MLLT11: variants seen among roughly 807,000 people sequenced by gnomAD.
MLLT11 encodes protein AF1q.
Under a neutral mutation model 5.3 loss-of-function variants are expected in MLLT11, and 1 was observed. That is an observed-to-expected ratio of 0.19 (90% CI 0.07 to 0.89). The LOEUF is 0.89. Among genes scored for constraint, MLLT11 ranks in the 40% least tolerant of loss-of-function variants. The pLI, the probability that MLLT11 is intolerant of heterozygous loss-of-function variation, is 0.67. For missense variants in MLLT11, 87 were observed against 107.3 expected, an observed-to-expected ratio of 0.81 and a Z score of 0.83; for synonymous variants, 38 against 41.7, an observed-to-expected ratio of 0.91 and a Z score of 0.34.
rs1558112311 is a variant in MLLT11, at chr1:151,067,235, C to T, written c.11C>T (p.Pro4Leu). 6.2e-7 allele frequency: 1 copy of T among 1,613,804 alleles called. No individual in the cohort carries two copies. The highest frequency in any genetic ancestry group is 1.1e-5 in the South Asian group (1 of 91,074). MRD[P>L]VSSQYSSFLF... ...TCTTTCTAGGAAGCTATGAGGGACC[C>T]TGTGAGTAGCCAGTACAGTTCCTTT... Residue 4 changes from proline to leucine, a missense_variant, in exon 2 of 2, where the codon CCT (proline) becomes CTT (leucine). Transcript: ENST00000368921.
chr1:151,062,896 A>AT (rs1361846370), intron 1 of MLLT11, among the ~76,000 whole-genome samples: 3 of 152,226 alleles, frequency 2.0e-5, no homozygotes, highest in South Asian at 4.1e-4. Flanking sequence ...GGATACAACC[A>AT]TTTTTTGTAG....
At position 151,067,675 on chromosome 1, in the gene MLLT11, CA is replaced by C; in HGVS notation, c.*182del. 4.2e-6 allele frequency: 3 copies of C among 709,694 alleles called. No homozygotes were observed. The highest frequency in any genetic ancestry group is 7.1e-6 in the Non-Finnish European group (3 of 423,780). The allele number at this position is 709,694 out of a possible 1,614,324, so 44.0% of individuals were successfully genotyped here. ...ATCTATCTGTCTACTCCATTTCTCT[CA>C]AAAGCCCTCAAGTCACAAAGTAAAT... On this transcript the variant is annotated 3_prime_UTR_variant, in exon 2 of 2. Transcript: ENST00000368921.
In MLLT11 at chr1:151,067,588, C is replaced by A; in HGVS notation, c.*91C>A. The A allele has an allele frequency of 7.3e-7, 1 of 1,378,494 alleles. No individual in the cohort carries two copies. The allele number at this position is 1,378,494 out of a possible 1,614,324, so 85.4% of individuals were successfully genotyped here. A position where few individuals can be genotyped will look rare whatever the true frequency, so the allele number is the denominator to read the frequency against. On this transcript the variant is annotated 3_prime_UTR_variant, in exon 2 of 2. Coordinates refer to ENST00000368921, the MANE Select transcript of MLLT11 (RefSeq NM_006818.4). ...ACTCCTTTCCCATTTTAATCTTGTTCTCTCCCTACTGTGTTGGTGGTGCTG... is the reference window on the plus strand; with the variant it reads ...ACTCCTTTCCCATTTTAATCTTGTTATCTCCCTACTGTGTTGGTGGTGCTG...
Position 151,069,180 on chromosome 1 carries a change from CAA to C in MLLT11, c.*1685_*1686del. ...TGCCTGCTATAGGAAAGCACTGAGC[CAA>C]ACAGAATGTAAACGGGAATGAGACA... On this transcript the variant is annotated 3_prime_UTR_variant, in exon 2 of 2. Transcript: ENST00000368921. Among the ~76,000 whole-genome samples the C allele has an allele frequency of 6.6e-6, 1 of 152,144 alleles. No individual in the cohort carries two copies. Among genetic ancestry groups the C allele is most frequent in the East Asian group, 1.9e-4 (1 of 5,170 alleles).
At chr1:151,061,291 C>T (rs976632081) in intron 1 of MLLT11, among the ~76,000 whole-genome samples, 10 of 152,172 alleles carry the variant, frequency 6.6e-5, no homozygotes, top group Non-Finnish European at 1.3e-4. Flanking sequence ...CTACCACCAC[C>T]ACCACCTTGT....
Position 151,068,770 on chromosome 1 carries a change from A to T in MLLT11, c.*1273A>T, listed in dbSNP as rs1676512127. On this transcript the variant is annotated 3_prime_UTR_variant, in exon 2 of 2. Transcript: ENST00000368921. ...TGGTTAATTTTTGTATTTTTCATAG[A>T]GACGGGGTTTCACCATGTTGGCCAG... Among the ~76,000 whole-genome samples the T allele has an allele frequency of 6.6e-6, 1 of 152,080 alleles. No individual in the cohort carries two copies. The highest frequency in any genetic ancestry group is 1.5e-5 in the Non-Finnish European group (1 of 68,024).
rs587673613 is a variant in MLLT11 at position 151,067,452 on chromosome 1, A to G, written c.228A>G (p.Arg76=). Residue 76 remains arginine, a synonymous_variant, in exon 2 of 2, where the codon AGA becomes AGG. Transcript: ENST00000368921. ...AGTACAGCACCTTCAACTTCTGGAGAGCTCCCATTGCCAGCATCCACTCCT... is the reference window on the plus strand; with the variant it reads ...AGTACAGCACCTTCAACTTCTGGAGGGCTCCCATTGCCAGCATCCACTCCT... ...LLEYSTFNFW[R]APIASIHSFE... 6.2e-7 allele frequency: 1 copy of G among 1,614,014 alleles called. No individual in the cohort carries two copies. The highest frequency in any genetic ancestry group is 1.3e-5 in the African/African-American group (1 of 75,002).
chr1:151,065,385 T>A (rs1279427226), intron 1 of MLLT11, among the ~76,000 whole-genome samples: 2 of 152,240 alleles, frequency 1.3e-5, no homozygotes, highest in African/African-American at 4.8e-5. Context: ...GAGCAGTTTT[T>A]TATTCATACT....
intron 1 of MLLT11, among the ~76,000 whole-genome samples, chr1:151,062,784 G>GT (rs1408312105): frequency 6.6e-6 from 1 of 152,194 alleles, no homozygotes; most frequent in Non-Finnish European, 1.5e-5. Flanking sequence ...ACTGGTAACA[G>GT]TAAGAATCCC....
chr1:151,067,410 A>G lies in MLLT11; in HGVS notation c.186A>G (p.Glu62=), dbSNP rs1676490284. The G allele has an allele frequency of 6.2e-7, 1 of 1,614,052 alleles. No homozygotes were observed. The highest frequency in any genetic ancestry group is 1.7e-5 in the Admixed American group (1 of 59,988). ...CAGCAGACCAGGAGAAAAACCCTGA[A>G]GGTGATGGCCTCCTTGAGTACAGCA... ...ATAADQEKNP[E]GDGLLEYSTF... is the part of the protein sequence containing the mutation. Residue 62 remains glutamate, a synonymous_variant, in exon 2 of 2, where the codon GAA becomes GAG. Coordinates refer to ENST00000368921, the MANE Select transcript of MLLT11 (RefSeq NM_006818.4).
Position 151,068,965 on chromosome 1 carries a change from G to A in MLLT11, c.*1468G>A, listed in dbSNP as rs181806943. 1.6e-4 allele frequency among the ~76,000 whole-genome samples: 25 copies of A among 152,234 alleles called. No homozygotes were observed. Among genetic ancestry groups the A allele is most frequent in the African/African-American group, 5.1e-4 (21 of 41,552 alleles). On this transcript the variant is annotated 3_prime_UTR_variant, in exon 2 of 2. Transcript: ENST00000368921. ...ATTTAGACATTAGATGGTGAACTTC[G>A]CATTGAACAGATAATGAAAGGGCAA...
At position 151,062,364 on chromosome 1, in the gene MLLT11, ATTTTT is replaced by A. The variant is rs587651455; in HGVS notation, c.-7+1823_-7+1827del. Among the ~76,000 whole-genome samples, 444 of 136,444 alleles carry A rather than the reference ATTTTT, an allele frequency of 3.3e-3. 1 individual carries two copies. The highest frequency in any genetic ancestry group is 0.011 in the African/African-American group (410 of 37,472). The allele number at this position is 136,444 out of a possible 152,430, so 89.5% of individuals were successfully genotyped here. ...TATGATTTTTTCCCCCCATGATTCTATTTTTTTTTTTTTTTTAAGATGGAGTCTCG... is the reference window on the plus strand; with the variant it reads ...TATGATTTTTTCCCCCCATGATTCTATTTTTTTTTTTAAGATGGAGTCTCG... On this transcript the variant is annotated intron_variant, in intron 1 of 1. Transcript: ENST00000368921.
chr1:151,065,024 A>G (rs1676456811), intron 1 of MLLT11, among the ~76,000 whole-genome samples: 2 of 152,150 alleles, frequency 1.3e-5, no homozygotes, highest in Admixed American at 1.3e-4. Context: ...AGGGGTGGAG[A>G]GCATTTGTGG....
At chr1:151,065,592 C>G (rs148633829) in intron 1 of MLLT11, among the ~76,000 whole-genome samples, 1 of 151,694 alleles carries the variant, frequency 6.6e-6, no homozygotes, top group Non-Finnish European at 1.5e-5. Context: ...GGGGGAGATG[C>G]TGGAGGAAAT....
At chr1:151,067,114 AAAG>A in intron 1 of MLLT11, 102 bp from the exon 2 acceptor site, 4 of 969,948 alleles carry the variant, frequency 4.1e-6, no homozygotes, top group African/African-American at 1.7e-5. Flanking sequence ...AAAAAAAAAA[AAAG>A]AAATTCCTTT....
At chr1:151,062,040 C>T (rs1676414043) in intron 1 of MLLT11, among the ~76,000 whole-genome samples, 1 of 151,416 alleles carries the variant, frequency 6.6e-6, no homozygotes, top group Non-Finnish European at 1.5e-5. Flanking sequence ...GTCAGTTTGT[C>T]GAAGAGCTTT....
chr1:151,063,641 G>T (rs1018361464), intron 1 of MLLT11, among the ~76,000 whole-genome samples: 1 of 152,148 alleles, frequency 6.6e-6, no homozygotes, highest in African/African-American at 2.4e-5. Flanking sequence ...TAGCCAGGAT[G>T]GTCTCGATCT....
At chr1:151,063,658 C>T (rs987974073) in intron 1 of MLLT11, among the ~76,000 whole-genome samples, 2 of 152,214 alleles carry the variant, frequency 1.3e-5, no homozygotes, top group Non-Finnish European at 2.9e-5. Flanking sequence ...ATCTCCTGAC[C>T]TCGTGATCCA....
chr1:151,060,754 T>C (rs959819914), intron 1 of MLLT11, among the ~76,000 whole-genome samples: 1 of 152,236 alleles, frequency 6.6e-6, no homozygotes, highest in Admixed American at 6.5e-5. Flanking sequence ...AATTTACTTG[T>C]AGTTATTTCT....
Sources: gnomAD v4.1 joint callset for allele counts (sites outside exome capture counted in the v4.1 genomes callset) on GRCh38, gnomAD v4.1.1 for gene constraint, MANE v1.5 for transcripts, NCBI Gene and HGNC (gene_info 2026-07-23, HGNC 2026-07-21) for gene names.